ATP8B4: variants seen among roughly 807,000 people sequenced by gnomAD.
ATP8B4 encodes ATPase phospholipid transporting 8B4 (putative).
A neutral mutation model predicts 145.6 loss-of-function variants in ATP8B4; 133 were observed. The observed-to-expected ratio is 0.91, with a 90% CI of 0.79 to 1.05. The LOEUF is 1.05. ATP8B4 is among the 50% of genes least tolerant of loss of function. The probability of loss-of-function intolerance (pLI) is 0.00; values close to 1 mark genes in which losing one functional copy is unlikely to be tolerated. For missense variants in ATP8B4, 1,458 were observed against 1,425.2 expected (o/e 1.02, Z -0.37); for synonymous variants, 507 against 492.9 (o/e 1.03, Z -0.38).
chr15:49,897,267 CAAA>C, intron 23 of ATP8B4, 22 bp downstream of exon 23: 1 of 1,487,236 alleles, frequency 6.7e-7, no homozygotes, highest in African/African-American at 1.4e-5. Context: ...AACAAACAAA[CAAA>C]AAAAAACATG....
chr15:50,027,903 A>T (rs955358774), intron 6 of ATP8B4, among the ~76,000 whole-genome samples: 2 of 152,238 alleles, frequency 1.3e-5, no homozygotes, highest in Non-Finnish European at 2.9e-5. Flanking sequence ...GACCTACTGT[A>T]TACTGTTTCA....
chr15:49,928,670 G>A (rs1293760957), intron 16 of ATP8B4, among the ~76,000 whole-genome samples: 1 of 151,928 alleles, frequency 6.6e-6, no homozygotes, highest in Non-Finnish European at 1.5e-5. Context: ...AGCAAGCAGT[G>A]ACAAGAAACT....
chr15:50,134,255 A>C (rs779192213), intron 1 of ATP8B4, among the ~76,000 whole-genome samples: 3 of 152,212 alleles, frequency 2.0e-5, no homozygotes, highest in Non-Finnish European at 4.4e-5. Context: ...GGAGTTTAGC[A>C]GAAGAAATAA....
chr15:49,987,506 G>A lies in ATP8B4; in HGVS notation c.633C>T (p.Phe211=). The A allele has an allele frequency of 6.2e-7, 1 of 1,613,726 alleles. No homozygotes were observed. Among genetic ancestry groups the A allele is most frequent in the East Asian group, 2.2e-5 (1 of 44,854 alleles). The change falls in exon 10 of 28, where the codon TTC becomes TTT. Residue 211 remains phenylalanine, a synonymous_variant. Coordinates refer to ENST00000284509, the MANE Select transcript of ATP8B4 (RefSeq NM_024837.4). ...TGTCTTTCCAAGAAAGGATTCCCAT[G>A]AATTTATCTAACTTGTTGTTAGGCA... The part of the protein sequence containing the change: ...CEVPNNKLDK[F]MGILSWKDSK...
chr15:49,929,790 T>C (rs2041088539), intron 16 of ATP8B4, among the ~76,000 whole-genome samples: 1 of 151,940 alleles, frequency 6.6e-6, no homozygotes, highest in Non-Finnish European at 1.5e-5. Flanking sequence ...GCCAACAGTC[T>C]CAAATACTAC....
chr15:50,173,393 C>T (rs1366895678), intron 1 of ATP8B4, among the ~76,000 whole-genome samples: 3 of 151,934 alleles, frequency 2.0e-5, no homozygotes, highest in African/African-American at 7.3e-5. Flanking sequence ...TATAACCTTA[C>T]CCCCAACCCC....
intron 25 of ATP8B4, among the ~76,000 whole-genome samples, chr15:49,871,020 C>A (rs1216897779): frequency 2.0e-5 from 3 of 152,226 alleles, no homozygotes; most frequent in African/African-American, 7.2e-5. Flanking sequence ...TACTATGTGA[C>A]TGGGGAGGCC....
At chr15:49,909,101 C>T (rs1437674898) in intron 20 of ATP8B4, among the ~76,000 whole-genome samples, 1 of 152,118 alleles carries the variant, frequency 6.6e-6, no homozygotes, top group Non-Finnish European at 1.5e-5. Flanking sequence ...AGAAGGGGAA[C>T]ATACAGACAG....
At chr15:50,126,383 G>A (rs1026904551) in intron 1 of ATP8B4, among the ~76,000 whole-genome samples, 15 of 152,106 alleles carry the variant, frequency 9.9e-5, no homozygotes, top group African/African-American at 3.1e-4. Flanking sequence ...AATGTTTACT[G>A]AACAGACCCA....
intron 2 of ATP8B4, among the ~76,000 whole-genome samples, chr15:50,075,195 T>C (rs1393862263): frequency 6.6e-6 from 1 of 151,396 alleles, no homozygotes; most frequent in Non-Finnish European, 1.5e-5. Flanking sequence ...GAGACACGTG[T>C]TGGGGATGGA....
At chr15:49,862,459 C>CA in intron 26 of ATP8B4, 84 bp from the exon 27 acceptor site, 3 of 1,144,482 alleles carry the variant, frequency 2.6e-6, no homozygotes, top group Non-Finnish European at 3.5e-6. Context: ...CCTACAAGAT[C>CA]TTTTTTTTTT....
chr15:49,963,359 C>G (rs919144032), intron 13 of ATP8B4, among the ~76,000 whole-genome samples: 2 of 152,164 alleles, frequency 1.3e-5, no homozygotes, highest in Non-Finnish European at 2.9e-5. Flanking sequence ...TGTGGCGATT[C>G]CTCAAGGACC....
intron 5 of ATP8B4, 83 bp downstream of exon 5, chr15:50,044,511 T>A: frequency 1.0e-6 from 1 of 974,830 alleles, no homozygotes; most frequent in Non-Finnish European, 1.5e-6. Context: ...TCATTCAAAA[T>A]TTCAAATGTA....
chr15:50,012,954 T>C (rs2048826704), intron 6 of ATP8B4, among the ~76,000 whole-genome samples: 1 of 152,156 alleles, frequency 6.6e-6, no homozygotes, highest in South Asian at 2.1e-4. Context: ...TAATGAGCAC[T>C]AAGGATCATA....
chr15:49,981,259 T>C lies in ATP8B4; in HGVS notation c.784A>G (p.Thr262Ala). Residue 262 changes from threonine to alanine, a missense_variant, in exon 11 of 28, where the codon ACA becomes GCA. Physicochemically the swap from Thr to Ala is moderately conservative, Grantham distance 58. Coordinates refer to ENST00000284509, the MANE Select transcript of ATP8B4 (RefSeq NM_024837.4). ...DTKLMQNSGKTKFKRTSIDRL... is the reference protein window; with the variant it reads ...DTKLMQNSGKAKFKRTSIDRL... ...TCAATGCTTGTCCTTTTAAACTTTGTCTTACCACTATTCTGCATTAGTTTA... is the reference window on the plus strand; with the variant it reads ...TCAATGCTTGTCCTTTTAAACTTTGCCTTACCACTATTCTGCATTAGTTTA... 1 of 1,610,370 alleles carries C rather than the reference T, an allele frequency of 6.2e-7. No individual in the cohort carries two copies. Among genetic ancestry groups the C allele is most frequent in the South Asian group, 1.1e-5 (1 of 90,988 alleles).
intron 1 of ATP8B4, among the ~76,000 whole-genome samples, chr15:50,155,772 G>A (rs2044402707): frequency 6.6e-6 from 1 of 151,894 alleles, no homozygotes; most frequent in African/African-American, 2.4e-5. Flanking sequence ...CTTTAGTCAT[G>A]AGATAGCAAT....
chr15:49,872,064 G>T (rs1490418293), intron 25 of ATP8B4, among the ~76,000 whole-genome samples: 1 of 152,184 alleles, frequency 6.6e-6, no homozygotes, highest in Non-Finnish European at 1.5e-5. Flanking sequence ...TGTCTGCATT[G>T]CAATGATGAG....
intron 26 of ATP8B4, among the ~76,000 whole-genome samples, chr15:49,865,732 A>G (rs2032679645): frequency 6.6e-6 from 1 of 152,186 alleles, no homozygotes; most frequent in Admixed American, 6.5e-5. Context: ...AGAGTATAGG[A>G]GAAACTGAGT....
intron 1 of ATP8B4, among the ~76,000 whole-genome samples, chr15:50,134,356 G>T (rs1479018468): frequency 6.6e-6 from 1 of 152,188 alleles, no homozygotes; most frequent in East Asian, 1.9e-4. Flanking sequence ...GGAAAGAAAG[G>T]CAAGTGAGAA....
Sources: gnomAD v4.1 joint callset for allele counts (sites outside exome capture counted in the v4.1 genomes callset) on GRCh38, gnomAD v4.1.1 for gene constraint, MANE v1.5 for transcripts, NCBI Gene and HGNC (gene_info 2026-07-23, HGNC 2026-07-21) for gene names.